The following RARB variants were observed in gnomAD, a reference collection of about 807,000 sequenced individuals.
The protein encoded by RARB is retinoic acid receptor beta, also known as HBV-activated protein.
Under a neutral mutation model 51.9 loss-of-function variants are expected in RARB, and 17 were observed. That is an observed-to-expected ratio of 0.33 (90% CI 0.22 to 0.49). The LOEUF is 0.49. RARB is among the 20% of genes least tolerant of loss of function. The pLI, the probability that RARB is intolerant of heterozygous loss-of-function variation, is 0.99. For synonymous variants in RARB, 215 were observed against 195.4 expected (o/e 1.10, Z -0.84); for missense variants, 369 against 550.8 (o/e 0.67, Z 3.30).
At chr3:25,134,604 C>G (rs968401292) in intron 4 of RARB, among the ~76,000 whole-genome samples, 1 of 151,934 alleles carries the variant, frequency 6.6e-6, no homozygotes, top group South Asian at 2.1e-4. Context: ...TGCTTATTCT[C>G]TGTCAACTAA....
At chr3:25,387,478 T>C (rs949620919) in intron 5 of RARB, among the ~76,000 whole-genome samples, 1 of 152,158 alleles carries the variant, frequency 6.6e-6, no homozygotes, top group African/African-American at 2.4e-5. Context: ...AAAAACTGGC[T>C]TCTATGTTGT....
intron 5 of RARB, among the ~76,000 whole-genome samples, chr3:25,239,024 T>C (rs1158767365): frequency 6.6e-6 from 1 of 152,138 alleles, no homozygotes; most frequent in Non-Finnish European, 1.5e-5. Context: ...TGATAGCTCA[T>C]TGTGGTTTTT....
At chr3:25,509,252 C>T (rs1881705) in intron 3 of RARB, among the ~76,000 whole-genome samples, 80,812 of 151,980 alleles carry the variant, frequency 0.53, 23,328 homozygotes, top group South Asian at 0.77. Context: ...GAGATTATCA[C>T]AGAAATGTTG....
At chr3:25,165,281 T>C (rs1467976090) in intron 4 of RARB, among the ~76,000 whole-genome samples, 1 of 152,188 alleles carries the variant, frequency 6.6e-6, no homozygotes, top group Non-Finnish European at 1.5e-5. Flanking sequence ...GTCTCTTGTT[T>C]ACACGTGGTT....
intron 5 of RARB, among the ~76,000 whole-genome samples, chr3:25,342,453 T>C (rs533746453): frequency 6.6e-6 from 1 of 152,280 alleles, no homozygotes; most frequent in Admixed American, 6.5e-5. Flanking sequence ...TTTCCCATTC[T>C]CTCTTACAGC....
At chr3:24,916,762 C>T (rs1450420939) in intron 2 of RARB, among the ~76,000 whole-genome samples, 1 of 85,834 alleles carries the variant, frequency 1.2e-5, no homozygotes, top group East Asian at 4.0e-4. Flanking sequence ...TATGTGTTTG[C>T]TGTTCAAAAA....
intron 1 of RARB, among the ~76,000 whole-genome samples, chr3:24,856,920 C>G (rs1464754504): frequency 2.0e-5 from 3 of 152,076 alleles, no homozygotes; most frequent in African/African-American, 7.2e-5. Context: ...GGAGGAGTGT[C>G]AAGATGAGCT....
Position 25,273,009 on chromosome 3 carries a change from C to A in RARB, c.178+98434C>A, listed in dbSNP as rs190043569. On this transcript the variant is annotated intron_variant, in intron 5 of 11. Coordinates refer to the RARB transcript ENST00000383772. ...GGAGGGAAATCTTTTTTTCTGTTCA[C>A]ATCCTAACTCATTCATTTGCATTTT... 5.3e-5 allele frequency among the ~76,000 whole-genome samples: 8 copies of A among 152,220 alleles called. No individual in the cohort carries two copies. The East Asian group carries it at 1.5e-3, about 29-fold the overall frequency.
intron 2 of RARB, among the ~76,000 whole-genome samples, chr3:25,043,022 A>C (rs147644549): frequency 3.9e-5 from 6 of 152,316 alleles, no homozygotes; most frequent in African/African-American, 1.4e-4. Flanking sequence ...CAGTTTTGTG[A>C]ATTGGATGTG....
intron 5 of RARB, among the ~76,000 whole-genome samples, chr3:25,398,250 CGGTTTCAAGGCT>C (rs1707170789): frequency 6.6e-6 from 1 of 152,054 alleles, no homozygotes. Context: ...CTCTAGGCCA[CGGTTTCAAGGCT>C]GGTCCATCAC....
At chr3:24,860,189 T>A (rs1702722672) in intron 2 of RARB, among the ~76,000 whole-genome samples, 1 of 152,200 alleles carries the variant, frequency 6.6e-6, no homozygotes, top group Non-Finnish European at 1.5e-5. Context: ...TATCTTTAGC[T>A]GCCCATTGTG....
chr3:25,489,251 C>T (rs2125590382), intron 2 of RARB, among the ~76,000 whole-genome samples: 1 of 152,268 alleles, frequency 6.6e-6, no homozygotes, highest in African/African-American at 2.4e-5. Flanking sequence ...CATAATATAG[C>T]TACTTTAATT....
chr3:25,307,943 C>T (rs322694), intron 5 of RARB, among the ~76,000 whole-genome samples: 5 of 152,148 alleles, frequency 3.3e-5, no homozygotes, highest in Non-Finnish European at 7.4e-5. Flanking sequence ...AGGGTTGAGT[C>T]GTTGGAATAG....
intron 5 of RARB, among the ~76,000 whole-genome samples, chr3:25,224,838 C>G (rs925407595): frequency 2.0e-5 from 3 of 151,910 alleles, no homozygotes; most frequent in Admixed American, 1.3e-4. Flanking sequence ...CTCCTAGGCT[C>G]GAGCAATCCA....
intron 5 of RARB, among the ~76,000 whole-genome samples, chr3:25,179,797 C>G (rs569590569): frequency 6.6e-6 from 1 of 152,120 alleles, no homozygotes; most frequent in Non-Finnish European, 1.5e-5. Flanking sequence ...TCTTTTCCCC[C>G]CAAAAACAAG....
At chr3:25,520,049 T>C (rs1489535916) in intron 3 of RARB, among the ~76,000 whole-genome samples, 2 of 152,224 alleles carry the variant, frequency 1.3e-5, no homozygotes, top group Non-Finnish European at 2.9e-5. Context: ...AAAATTTTAC[T>C]GGAACAGCCA....
At chr3:25,463,522 G>C (rs77338872) in intron 2 of RARB, among the ~76,000 whole-genome samples, 8,568 of 152,076 alleles carry the variant, frequency 0.056, 338 homozygotes, top group East Asian at 0.12. Flanking sequence ...AATTAGCTGG[G>C]TGTGGTGGCG....
intron 3 of RARB, among the ~76,000 whole-genome samples, chr3:25,091,018 C>T (rs1319701556): frequency 2.0e-5 from 3 of 152,114 alleles, no homozygotes; most frequent in Non-Finnish European, 4.4e-5. Flanking sequence ...TACAGCTTTG[C>T]GTGCAATTAT....
intron 5 of RARB, among the ~76,000 whole-genome samples, chr3:25,320,757 TTTTG>T (rs1339289107): frequency 2.6e-5 from 4 of 152,346 alleles, no homozygotes; most frequent in East Asian, 3.9e-4. Flanking sequence ...TGGGGTTTAC[TTTTG>T]TTTGTTTGTT....
Sources: allele counts gnomAD v4.1 joint callset (sites outside exome capture counted in the v4.1 genomes callset), GRCh38; gene constraint gnomAD v4.1.1; transcripts MANE v1.5; gene names NCBI Gene and HGNC (gene_info 2026-07-23, HGNC 2026-07-21).